The following COLGALT2 variants were observed in gnomAD, a reference collection of about 807,000 sequenced individuals.
COLGALT2 encodes procollagen galactosyltransferase 2.
In COLGALT2, 49 loss-of-function variants were observed where a neutral mutation model predicts 73.4. The ratio of observed to expected loss-of-function variants is 0.67; its 90% CI spans 0.53 to 0.85. The LOEUF is 0.85. COLGALT2 is among the 40% of genes least tolerant of loss of function. COLGALT2 has a pLI of 0.00. For synonymous variants in COLGALT2, 295 were observed against 307.6 expected (o/e 0.96, Z 0.43); for missense variants, 722 against 790.2 (o/e 0.91, Z 1.03).
intron 6 of COLGALT2, 52 bp from the exon 7 acceptor site, chr1:183,954,890 A>G: frequency 2.2e-6 from 3 of 1,382,706 alleles, no homozygotes; most frequent in Non-Finnish European, 2.1e-6. Flanking sequence ...AGGGTCAGAA[A>G]TCAGAATTCC....
intron 1 of COLGALT2, among the ~76,000 whole-genome samples, chr1:184,035,911 A>G (rs1039400829): frequency 1.8e-4 from 27 of 152,218 alleles, no homozygotes; most frequent in African/African-American, 6.0e-4. Context: ...GAGCTGTACT[A>G]TATCACATGT....
intron 1 of COLGALT2, among the ~76,000 whole-genome samples, chr1:184,012,600 A>G (rs1338628119): frequency 6.6e-6 from 1 of 152,200 alleles, no homozygotes; most frequent in Admixed American, 6.5e-5. Flanking sequence ...AATAAACATA[A>G]AATTCATCCT....
chr1:183,960,599 G>A (rs1670672656), intron 6 of COLGALT2, among the ~76,000 whole-genome samples: 1 of 152,154 alleles, frequency 6.6e-6, no homozygotes, highest in Non-Finnish European at 1.5e-5. Flanking sequence ...CTTCAGAGAA[G>A]ACGCATACAT....
At chr1:184,027,664 C>A (rs1188199390) in intron 1 of COLGALT2, among the ~76,000 whole-genome samples, 1 of 152,194 alleles carries the variant, frequency 6.6e-6, no homozygotes, top group Non-Finnish European at 1.5e-5. Flanking sequence ...GATTTATCCA[C>A]ATAGACAATC....
chr1:183,998,481 T>C (rs1671828159), intron 1 of COLGALT2, among the ~76,000 whole-genome samples: 2 of 152,330 alleles, frequency 1.3e-5, no homozygotes, highest in South Asian at 4.1e-4. Flanking sequence ...GGGTTGTTTG[T>C]CCACTATTTT....
At chr1:184,032,598 AG>A (rs1329850289) in intron 1 of COLGALT2, among the ~76,000 whole-genome samples, 4 of 152,204 alleles carry the variant, frequency 2.6e-5, no homozygotes, top group Non-Finnish European at 5.9e-5. Flanking sequence ...TGGGAAAATG[AG>A]GAAAGGAGGA....
intron 1 of COLGALT2, among the ~76,000 whole-genome samples, chr1:183,997,001 A>T (rs910042110): frequency 6.6e-6 from 1 of 152,224 alleles, no homozygotes; most frequent in Non-Finnish European, 1.5e-5. Flanking sequence ...GTGAATGGAC[A>T]AATGAATAAA....
intron 1 of COLGALT2, among the ~76,000 whole-genome samples, chr1:184,030,655 A>C (rs547279674): frequency 6.6e-6 from 1 of 152,224 alleles, no homozygotes; most frequent in African/African-American, 2.4e-5. Flanking sequence ...CACCAGAAAC[A>C]GACAAGCAAA....
chr1:183,938,711 G>GA lies in COLGALT2; in HGVS notation c.*49dup. The GA allele has an allele frequency of 6.3e-7, 1 of 1,593,818 alleles. No homozygotes were observed. The highest frequency in any genetic ancestry group is 8.6e-7 in the Non-Finnish European group (1 of 1,169,138). On this transcript the variant is annotated 3_prime_UTR_variant, in exon 12 of 12. Coordinates refer to ENST00000361927, the MANE Select transcript of COLGALT2 (RefSeq NM_015101.4). ...GAGCAAACAGATGAATAGCCCTTTA[G>GA]AAAAACCAGAGGATGTTGAACTGAT...
At chr1:184,024,764 T>A (rs1649283762) in intron 1 of COLGALT2, among the ~76,000 whole-genome samples, 1 of 151,606 alleles carries the variant, frequency 6.6e-6, no homozygotes, top group Non-Finnish European at 1.5e-5. Context: ...GTTTGTTGGA[T>A]GATTGGACCA....
intron 1 of COLGALT2, among the ~76,000 whole-genome samples, chr1:184,021,498 CTT>C (rs1165298652): frequency 2.0e-5 from 3 of 152,104 alleles, no homozygotes; most frequent in African/African-American, 7.2e-5. Context: ...TTTGGCCTCT[CTT>C]GTTCTCTCTC....
In COLGALT2 at chr1:184,037,427, G is replaced by T; in HGVS notation, c.-70C>A. ...CCGGCTGGGCTGCCTGAGGGCGGCGGCGGCTGCCGGGGAGCAAGGGGCTGC... is the reference window on the plus strand; with the variant it reads ...CCGGCTGGGCTGCCTGAGGGCGGCGTCGGCTGCCGGGGAGCAAGGGGCTGC... On this transcript the variant is annotated 5_prime_UTR_variant, in exon 1 of 12. Coordinates refer to ENST00000361927, the MANE Select transcript of COLGALT2 (RefSeq NM_015101.4). The T allele has an allele frequency of 7.9e-7, 1 of 1,268,650 alleles. No individual in the cohort carries two copies. Among genetic ancestry groups the T allele is most frequent in the Non-Finnish European group, 9.9e-7 (1 of 1,010,674 alleles). The allele number at this position is 1,268,650 out of a possible 1,614,324, so 78.6% of individuals were successfully genotyped here.
At chr1:183,950,440 AG>A (rs1670364518) in intron 8 of COLGALT2, among the ~76,000 whole-genome samples, 1 of 151,800 alleles carries the variant, frequency 6.6e-6, no homozygotes, top group East Asian at 1.9e-4. Flanking sequence ...GAAATAGTTT[AG>A]GGTGTCAAAT....
At chr1:183,973,375 G>A (rs1671101921) in intron 4 of COLGALT2, among the ~76,000 whole-genome samples, 1 of 152,116 alleles carries the variant, frequency 6.6e-6, no homozygotes, top group African/African-American at 2.4e-5. Context: ...TGGCTAATTT[G>A]ACGTTTCTAA....
chr1:184,032,573 G>A (rs1293468005), intron 1 of COLGALT2, among the ~76,000 whole-genome samples: 5 of 152,108 alleles, frequency 3.3e-5, no homozygotes, highest in Non-Finnish European at 4.4e-5. Context: ...TGCCCTCCAC[G>A]CTAAACTACC....
At chr1:183,930,140 G>A (rs1395340196) in exon 12 of COLGALT2, 4 of 452,610 alleles carry the variant, frequency 8.8e-6, no homozygotes, top group African/African-American at 8.0e-5. Flanking sequence ...GGGGAGGTGG[G>A]AAATGCAGGA....
At chr1:183,987,620 T>C (rs1671523459) in intron 1 of COLGALT2, among the ~76,000 whole-genome samples, 1 of 152,224 alleles carries the variant, frequency 6.6e-6, no homozygotes, top group African/African-American at 2.4e-5. Context: ...TACTTAACAG[T>C]TCACTATAAA....
chr1:184,018,944 A>G (rs1402008575), intron 1 of COLGALT2, among the ~76,000 whole-genome samples: 1 of 152,230 alleles, frequency 6.6e-6, no homozygotes, highest in Non-Finnish European at 1.5e-5. Context: ...ATCTGCCTAA[A>G]GCAAACCAGA....
chr1:183,982,192 G>A (rs781711416), intron 1 of COLGALT2, among the ~76,000 whole-genome samples: 1 of 152,130 alleles, frequency 6.6e-6, no homozygotes, highest in South Asian at 2.1e-4. Context: ...GAGGTGATGT[G>A]TGAATCTGAC....
Sources: gnomAD v4.1 joint callset for allele counts (sites outside exome capture counted in the v4.1 genomes callset) on GRCh38, gnomAD v4.1.1 for gene constraint, MANE v1.5 for transcripts, NCBI Gene and HGNC (gene_info 2026-07-23, HGNC 2026-07-21) for gene names.